Variants in KCNIP1 observed in about 807,000 individuals in gnomAD.
The protein encoded by KCNIP1 is potassium voltage-gated channel interacting protein 1.
A neutral mutation model predicts 33.0 loss-of-function variants in KCNIP1; 18 were observed. The observed-to-expected ratio is 0.55, with a 90% CI of 0.38 to 0.81. The LOEUF is 0.81. Among genes scored for constraint, KCNIP1 ranks in the 30% least tolerant of loss-of-function variants. The pLI is 0.00. For missense variants in KCNIP1, 238 were observed against 271.6 expected (o/e 0.88, Z 0.87); for synonymous variants, 93 against 98.3 (o/e 0.95, Z 0.32).
intron 1 of KCNIP1, among the ~76,000 whole-genome samples, chr5:170,617,943 T>TTTA (rs1156896223): frequency 1.3e-5 from 2 of 152,182 alleles, no homozygotes; most frequent in Admixed American, 6.5e-5. Context: ...CAACCGGAGA[T>TTTA]ATAAAACAGT....
In KCNIP1 at chr5:170,460,457, C is replaced by T. The variant is rs192131825; in HGVS notation, c.88+106493C>T. ...AATCCTTAACAAAATGCTAGCTAAC[C>T]GAATCCAACAACATATCAAAAAGAT... On this transcript the variant is annotated intron_variant, in intron 1 of 7. Transcript: ENST00000377360. Among the ~76,000 whole-genome samples the T allele has an allele frequency of 2.6e-4, 40 of 152,172 alleles. No individual in the cohort carries two copies. The East Asian group carries it at 6.8e-3, about 26-fold the overall frequency.
chr5:170,538,165 C>T (rs556176574), intron 1 of KCNIP1, among the ~76,000 whole-genome samples: 2 of 152,294 alleles, frequency 1.3e-5, no homozygotes, highest in South Asian at 4.1e-4. Context: ...AATGACTATC[C>T]TCATGCCCTC....
At chr5:170,701,704 G>A (rs1763106244) in intron 1 of KCNIP1, among the ~76,000 whole-genome samples, 1 of 152,160 alleles carries the variant, frequency 6.6e-6, no homozygotes, top group African/African-American at 2.4e-5. Context: ...GAGTGGGGAG[G>A]AAACTCATGA....
In KCNIP1 at chr5:170,504,306, A is replaced by C; in HGVS notation, c.-267A>C. ...ACCGTCCTCGGCCCTGGGCGAGGGA[A>C]CCGCCGGGCCGGGTCCTCGCGCGGG... On this transcript the variant is annotated 5_prime_UTR_variant, in exon 1 of 8. Coordinates refer to ENST00000328939, the MANE Select transcript of KCNIP1 (RefSeq NM_014592.4). The surrounding 1 kb of genome is among the most constrained non-coding windows in gnomAD (Gnocchi z 6.0). The C allele has an allele frequency of 7.5e-6, 10 of 1,333,550 alleles. No homozygotes were observed. The highest frequency in any genetic ancestry group is 3.2e-5 in the East Asian group (1 of 30,870). The allele number at this position is 1,333,550 out of a possible 1,614,324, so 82.6% of individuals were successfully genotyped here. A position where few individuals can be genotyped will look rare whatever the true frequency, so the allele number is the denominator to read the frequency against.
chr5:170,624,396 A>T (rs1242298321), intron 1 of KCNIP1, among the ~76,000 whole-genome samples: 1 of 152,034 alleles, frequency 6.6e-6, no homozygotes, highest in Admixed American at 6.6e-5. Flanking sequence ...AAGGTAACCA[A>T]TTGATTGACT....
intron 1 of KCNIP1, among the ~76,000 whole-genome samples, chr5:170,467,917 CAAAAAAAAAA>C (rs55671124): frequency 2.4e-5 from 1 of 41,964 alleles, no homozygotes; most frequent in Admixed American, 2.6e-4. Context: ...GATTCCATCT[CAAAAAAAAAA>C]AAAAAAAAAA....
chr5:170,714,809 CAA>C (rs1413723014), intron 1 of KCNIP1, among the ~76,000 whole-genome samples: 1 of 151,190 alleles, frequency 6.6e-6, no homozygotes. Context: ...AGCGTTATCA[CAA>C]AAGAGTCCAA....
intron 7 of KCNIP1, among the ~76,000 whole-genome samples, chr5:170,734,768 A>T (rs1384466031): frequency 1.3e-5 from 2 of 152,236 alleles, no homozygotes; most frequent in African/African-American, 4.8e-5. Context: ...GCACATACAT[A>T]AACATCACAG....
chr5:170,385,346 C>T (rs978907824), intron 1 of KCNIP1: 5 of 1,613,952 alleles, frequency 3.1e-6, no homozygotes, highest in Non-Finnish European at 2.5e-6. Flanking sequence ...CAGTCGTGAC[C>T]AGGATGTAGT....
intron 1 of KCNIP1, among the ~76,000 whole-genome samples, chr5:170,709,215 CTG>C (rs1763363712): frequency 1.3e-5 from 2 of 152,044 alleles, no homozygotes; most frequent in African/African-American, 4.8e-5. Context: ...ATTTTTTTGT[CTG>C]TTTATCAGCT....
rs1002245212 is a variant in KCNIP1 at position 170,489,661 on chromosome 5, G to A, written c.88+135697G>A. Among the ~76,000 whole-genome samples, 4 of 152,240 alleles carry A rather than the reference G, an allele frequency of 2.6e-5. No homozygotes were observed. Among genetic ancestry groups the A allele is most frequent in the Non-Finnish European group, 4.4e-5 (3 of 68,048 alleles). The stretch of plus-strand genomic sequence containing the variant: ...TGCTTGGTCTTGAAGTTGAAAGGTA[G>A]CAATCACTCATACTCCTCTCCCATG... On this transcript the variant is annotated intron_variant, in intron 1 of 7. Coordinates refer to the KCNIP1 transcript ENST00000377360. This position sits in a 1 kb window ranked among gnomAD's most constrained non-coding sequence, Gnocchi z 4.3.
At chr5:170,576,731 C>G (rs1757617943) in intron 1 of KCNIP1, among the ~76,000 whole-genome samples, 1 of 152,176 alleles carries the variant, frequency 6.6e-6, no homozygotes, top group Non-Finnish European at 1.5e-5. Context: ...AACCTGGTAC[C>G]TGTCACAAAG....
chr5:170,626,821 A>C (rs1759848074), intron 1 of KCNIP1, among the ~76,000 whole-genome samples: 1 of 151,096 alleles, frequency 6.6e-6, no homozygotes, highest in Admixed American at 6.6e-5. Flanking sequence ...GCATTTAAAA[A>C]CCCCTACTAG....
chr5:170,485,845 A>G (rs1757079886), intron 1 of KCNIP1: 1 of 152,596 alleles, frequency 6.6e-6, no homozygotes, highest in Admixed American at 6.5e-5. Flanking sequence ...CAGACTGGAA[A>G]AGGCTGCTTT....
At chr5:170,411,139 T>C (rs1755176694) in intron 1 of KCNIP1, among the ~76,000 whole-genome samples, 1 of 152,220 alleles carries the variant, frequency 6.6e-6, no homozygotes, top group South Asian at 2.1e-4. Context: ...GTGGCCAAGA[T>C]GATTGCATCC....
chr5:170,566,401 G>A (rs1015701894), intron 1 of KCNIP1, among the ~76,000 whole-genome samples: 19 of 152,132 alleles, frequency 1.2e-4, no homozygotes, highest in Admixed American at 6.5e-4. Flanking sequence ...CCAACTATCC[G>A]TATTATTATG....
At chr5:170,731,763 C>A (rs1293633336) in intron 5 of KCNIP1, among the ~76,000 whole-genome samples, 1 of 147,832 alleles carries the variant, frequency 6.8e-6, no homozygotes, top group Non-Finnish European at 1.5e-5. Flanking sequence ...ACTAAGGAGA[C>A]ACAACAAATA....
At chr5:170,437,969 T>A (rs1417104584) in intron 1 of KCNIP1, among the ~76,000 whole-genome samples, 1 of 152,180 alleles carries the variant, frequency 6.6e-6, no homozygotes, top group African/African-American at 2.4e-5. Context: ...ATTTTACCAT[T>A]CCTAGCCTTG....
chr5:170,560,981 G>A (rs1757016272), intron 1 of KCNIP1: 4 of 389,808 alleles, frequency 1.0e-5, no homozygotes, highest in Non-Finnish European at 2.0e-5. Flanking sequence ...CCCCTCTGGG[G>A]CCCAGAGGCC....
Sources: gnomAD v4.1 joint callset for allele counts (sites outside exome capture counted in the v4.1 genomes callset) on GRCh38, gnomAD v4.1.1 for gene constraint, Gnocchi (gnomAD v3.1) non-coding constraint, MANE v1.5 for transcripts, NCBI Gene and HGNC (gene_info 2026-07-23, HGNC 2026-07-21) for gene names.